Variants in DNAH9 observed in about 807,000 individuals in gnomAD.
DNAH9 encodes DNAH9 variant protein.
DNAH9 carries 345 observed loss-of-function variants against 471.6 expected under a neutral mutation model. That is an observed-to-expected ratio of 0.73 (90% CI 0.67 to 0.80). The LOEUF (loss-of-function observed/expected upper bound fraction) is 0.80. Ranked by LOEUF, DNAH9 falls within the 30% of genes least tolerant of loss-of-function variation. The pLI, the probability that DNAH9 is intolerant of heterozygous loss-of-function variation, is 0.00. For missense variants in DNAH9, 5,407 were observed against 5,609.2 expected (o/e 0.96, Z 1.15); for synonymous variants, 2,093 against 2,123.6 (o/e 0.99, Z 0.40).
intron 68 of DNAH9, among the ~76,000 whole-genome samples, chr17:11,967,889 T>G (rs77911249): frequency 0.011 from 1,641 of 152,256 alleles, 32 homozygotes; most frequent in African/African-American, 0.038. Flanking sequence ...AAAAAGGACA[T>G]TTTATGAGAA....
chr17:11,640,285 A>T lies in DNAH9; in HGVS notation c.1802A>T (p.His601Leu). Residue 601 changes from histidine to leucine, a missense_variant, in exon 10 of 69, where the codon CAC becomes CTC. Around this residue, in one of 3 missense-constraint regions of DNAH9, gnomAD observed 4,636 missense variants for 4,900.3 expected, o/e 0.95. Coordinates refer to ENST00000262442, the MANE Select transcript of DNAH9 (RefSeq NM_001372.4). ...EEAELGFSPV[H>L]KNMPTVAGGL... ...ATGTCTCCAGGGTTCTCCCCGGTGCACAAGAACATGCCCACCGTGGCTGGC... is the reference window on the plus strand; with the variant it reads ...ATGTCTCCAGGGTTCTCCCCGGTGCTCAAGAACATGCCCACCGTGGCTGGC... 2 of 1,612,920 alleles carry T rather than the reference A, an allele frequency of 1.2e-6. No individual in the cohort carries two copies. Among genetic ancestry groups the T allele is most frequent in the Non-Finnish European group, 1.7e-6 (2 of 1,179,020 alleles).
intron 9 of DNAH9, 94 bp downstream of exon 9, chr17:11,636,878 TCC>T: frequency 8.7e-7 from 1 of 1,151,344 alleles, no homozygotes; most frequent in Admixed American, 2.0e-5. Context: ...CATGTATGGA[TCC>T]ATACATTCTC....
intron 38 of DNAH9, among the ~76,000 whole-genome samples, chr17:11,773,045 T>C (rs1968273733): frequency 6.6e-6 from 1 of 152,216 alleles, no homozygotes; most frequent in Admixed American, 6.5e-5. Flanking sequence ...AAGTGACAGC[T>C]AGAAACCAGG....
chr17:11,843,999 T>G (rs539041087), intron 49 of DNAH9, among the ~76,000 whole-genome samples: 9 of 147,204 alleles, frequency 6.1e-5, no homozygotes, highest in Admixed American at 5.5e-4. Context: ...ATGAATCTTG[T>G]TTTTTATCTT....
intron 33 of DNAH9, among the ~76,000 whole-genome samples, chr17:11,753,407 G>A (rs1476230508): frequency 6.6e-6 from 1 of 152,154 alleles, no homozygotes; most frequent in East Asian, 1.9e-4. Flanking sequence ...TGAAACCTCT[G>A]TAGTCCCAGC....
At chr17:11,670,492 G>A (rs895705174) in intron 17 of DNAH9, among the ~76,000 whole-genome samples, 1 of 152,162 alleles carries the variant, frequency 6.6e-6, no homozygotes, top group African/African-American at 2.4e-5. Flanking sequence ...CCTTTGGAGT[G>A]CTGGATGAGA....
intron 1 of DNAH9, among the ~76,000 whole-genome samples, chr17:11,603,574 ACT>A (rs1315321173): frequency 1.3e-5 from 2 of 151,970 alleles, no homozygotes; most frequent in African/African-American, 4.8e-5. Flanking sequence ...TGAGGAGATC[ACT>A]CTAGCAATTT....
intron 36 of DNAH9, among the ~76,000 whole-genome samples, chr17:11,764,491 C>T (rs1190577075): frequency 1.3e-5 from 2 of 152,032 alleles, no homozygotes; most frequent in African/African-American, 2.4e-5. Flanking sequence ...ATTTTTATAA[C>T]CAAAATTTTG....
At chr17:11,674,007 C>G (rs1485303049) in intron 17 of DNAH9, among the ~76,000 whole-genome samples, 1 of 152,134 alleles carries the variant, frequency 6.6e-6, no homozygotes, top group Non-Finnish European at 1.5e-5. Flanking sequence ...TTTCACTCAG[C>G]ATTATGTTTG....
chr17:11,862,782 A>G (rs1472481366), intron 50 of DNAH9, among the ~76,000 whole-genome samples: 1 of 152,032 alleles, frequency 6.6e-6, no homozygotes. Flanking sequence ...CTTTGAAGCA[A>G]TTGTGAATGG....
Position 11,742,311 on chromosome 17 carries a change from CAGGT to C in DNAH9, c.6111+2_6111+5del. Reference sequence around the variant, plus strand: ...GTTGTGCAAAGAGCTTCTCTCCAAACAGGTAGGATCTCTAGGGAGGCTGTACAAC... The same window carrying C: ...GTTGTGCAAAGAGCTTCTCTCCAAACAGGATCTCTAGGGAGGCTGTACAAC... On this transcript the variant is annotated splice_donor_variant and coding_sequence_variant, in exon 30 of 69. Transcript: ENST00000262442. LOFTEE classifies it high-confidence loss of function. 6.2e-7 allele frequency: 1 copy of C among 1,614,074 alleles called. No individual in the cohort carries two copies. Among genetic ancestry groups the C allele is most frequent in the Non-Finnish European group, 8.5e-7 (1 of 1,179,960 alleles).
At chr17:11,964,605 T>G (rs1976534396) in intron 68 of DNAH9, among the ~76,000 whole-genome samples, 1 of 152,184 alleles carries the variant, frequency 6.6e-6, no homozygotes, top group Non-Finnish European at 1.5e-5. Context: ...AGAATCAACT[T>G]TCTTAGAATT....
intron 24 of DNAH9, among the ~76,000 whole-genome samples, chr17:11,702,406 G>C (rs1296999811): frequency 6.6e-6 from 1 of 152,218 alleles, no homozygotes; most frequent in Non-Finnish European, 1.5e-5. Flanking sequence ...TATAGTAGTA[G>C]TGTTGCTCTG....
intron 17 of DNAH9, among the ~76,000 whole-genome samples, chr17:11,674,619 G>A (rs903494906): frequency 1.3e-5 from 2 of 151,978 alleles, no homozygotes; most frequent in Non-Finnish European, 2.9e-5. Flanking sequence ...TCTTGCAAAT[G>A]GAGTCTACCA....
chr17:11,891,847 C>A lies in DNAH9; in HGVS notation c.11183C>A (p.Ala3728Asp). Residue 3728 changes from alanine to aspartate, a missense_variant, in exon 58 of 69, where the codon GCC becomes GAC. Coordinates refer to ENST00000262442, the MANE Select transcript of DNAH9 (RefSeq NM_001372.4). ...APDESLRERV[A>D]NLIDSITFSV... ...GACGAAAGCCTCAGGGAGCGGGTGGCCAACCTAATAGACAGCATAACCTTC... is the reference window on the plus strand; with the variant it reads ...GACGAAAGCCTCAGGGAGCGGGTGGACAACCTAATAGACAGCATAACCTTC... 1 of 1,614,032 alleles carries A rather than the reference C, an allele frequency of 6.2e-7. No homozygotes were observed. Among genetic ancestry groups the A allele is most frequent in the Non-Finnish European group, 8.5e-7 (1 of 1,179,984 alleles).
chr17:11,762,865 C>T (rs570413933), intron 35 of DNAH9, among the ~76,000 whole-genome samples: 15 of 148,424 alleles, frequency 1.0e-4, no homozygotes, highest in South Asian at 6.5e-4. Flanking sequence ...CTGCAAGCTC[C>T]GCCTCCCGGG....
chr17:11,702,850 T>C (rs1219302363), intron 24 of DNAH9, among the ~76,000 whole-genome samples: 2 of 152,036 alleles, frequency 1.3e-5, no homozygotes, highest in Non-Finnish European at 2.9e-5. Flanking sequence ...CCCAGCACTT[T>C]GGGAGGCTGA....
chr17:11,943,052 C>T (rs1220238425), intron 67 of DNAH9, among the ~76,000 whole-genome samples: 10 of 151,882 alleles, frequency 6.6e-5, no homozygotes, highest in African/African-American at 1.4e-4. Flanking sequence ...CCCGCCACCA[C>T]GCCGGCTAAT....
intron 49 of DNAH9, among the ~76,000 whole-genome samples, chr17:11,838,644 A>G (rs993220368): frequency 3.3e-5 from 5 of 152,118 alleles, no homozygotes; most frequent in Non-Finnish European, 5.9e-5. Flanking sequence ...GTGATGTGGC[A>G]GGGGAGGCTC....
Sources: allele counts gnomAD v4.1 joint callset (sites outside exome capture counted in the v4.1 genomes callset), GRCh38; gene constraint gnomAD v4.1.1; regional missense constraint gnomAD v4.1.1; transcripts MANE v1.5; gene names NCBI Gene and HGNC (gene_info 2026-07-23, HGNC 2026-07-21).